VPS35L: variants seen among roughly 807,000 people sequenced by gnomAD.
VPS35L encodes VPS35 endosomal protein sorting factor like.
A neutral mutation model predicts 133.0 loss-of-function variants in VPS35L; 83 were observed. That is an observed-to-expected ratio of 0.62 (90% confidence interval 0.52 to 0.75). VPS35L has a LOEUF of 0.75. Among genes scored for constraint, VPS35L ranks in the 30% least tolerant of loss-of-function variants. The pLI is 0.00. For missense variants in VPS35L, 1,083 were observed against 1,206.8 expected (o/e 0.90, Z 1.52); for synonymous variants, 423 against 449.9 (o/e 0.94, Z 0.76).
intron 19 of VPS35L, among the ~76,000 whole-genome samples, chr16:19,635,119 A>G (rs530463701): frequency 1.3e-5 from 2 of 152,202 alleles, no homozygotes; most frequent in Admixed American, 6.5e-5. Flanking sequence ...CAGGAGGATT[A>G]TTTGAGGCCA....
chr16:19,602,083 T>G (rs1972402335), intron 9 of VPS35L, among the ~76,000 whole-genome samples: 1 of 152,192 alleles, frequency 6.6e-6, no homozygotes, highest in Admixed American at 6.6e-5. Flanking sequence ...AACGACTTTA[T>G]GCATATTAAA....
At position 19,652,066 on chromosome 16, in the gene VPS35L, T is replaced by C; in HGVS notation, c.2197T>C (p.Leu733=). 2 of 1,607,512 alleles carry C rather than the reference T, an allele frequency of 1.2e-6. No homozygotes were observed. Among genetic ancestry groups the C allele is most frequent in the South Asian group, 2.2e-5 (2 of 89,968 alleles). The change falls in exon 26 of 31, where the codon TTG becomes CTG. Residue 733 remains leucine (L), a synonymous_variant. Transcript: ENST00000417362. ...NLYLHSGQVA[L]ANQCLSQADA... is the part of the protein sequence containing the mutation. ...CTACCTGCATTCTGGTCAGGTGGCC[T>C]TGGCCAACCAGTGCCTCTCCCAAGG...
At chr16:19,603,309 G>A (rs2151540204) in intron 9 of VPS35L, among the ~76,000 whole-genome samples, 2 of 152,208 alleles carry the variant, frequency 1.3e-5, no homozygotes, top group Middle Eastern at 6.8e-3. Flanking sequence ...AGCAGCCACT[G>A]GCCACGTGTT....
intron 8 of VPS35L, 80 bp from the exon 9 acceptor site, chr16:19,601,584 G>A: frequency 4.3e-6 from 6 of 1,395,734 alleles, no homozygotes; most frequent in Non-Finnish European, 5.0e-6. Context: ...GATAGCTCTG[G>A]GTCCCTAATT....
chr16:19,656,037 C>T (rs192302479), intron 26 of VPS35L, among the ~76,000 whole-genome samples: 5 of 151,776 alleles, frequency 3.3e-5, no homozygotes, highest in East Asian at 1.9e-4. Flanking sequence ...TTGAGGTGGG[C>T]GGATCACCTG....
intron 1 of VPS35L, among the ~76,000 whole-genome samples, chr16:19,555,953 C>A (rs949553196): frequency 1.3e-5 from 2 of 152,188 alleles, no homozygotes; most frequent in African/African-American, 4.8e-5. Context: ...TTGGTTCTCT[C>A]CCCGTCTGCT....
chr16:19,690,318 G>C (rs1460126877), intron 28 of VPS35L, among the ~76,000 whole-genome samples: 1 of 152,190 alleles, frequency 6.6e-6, no homozygotes, highest in Non-Finnish European at 1.5e-5. Context: ...AGGAAGGAGT[G>C]GGGAGGGAAG....
chr16:19,569,327 C>T, intron 2 of VPS35L, 97 bp from the exon 3 acceptor site: 2 of 1,343,390 alleles, frequency 1.5e-6, no homozygotes, highest in African/African-American at 1.4e-5. Context: ...ATGAACCATC[C>T]ATTCAACTAC....
chr16:19,591,579 A>C (rs1972043823), intron 7 of VPS35L, among the ~76,000 whole-genome samples: 1 of 152,004 alleles, frequency 6.6e-6, no homozygotes, highest in Non-Finnish European at 1.5e-5. Flanking sequence ...GGGAAAACAA[A>C]GAAGAGGTTC....
At chr16:19,684,056 A>G (rs1975375649) in intron 28 of VPS35L, among the ~76,000 whole-genome samples, 1 of 152,160 alleles carries the variant, frequency 6.6e-6, no homozygotes, top group Admixed American at 6.5e-5. Flanking sequence ...CTCAGGAAGG[A>G]CCCTGGTGTG....
chr16:19,632,587 T>C (rs889213645), intron 18 of VPS35L, among the ~76,000 whole-genome samples: 3 of 152,220 alleles, frequency 2.0e-5, no homozygotes, highest in African/African-American at 7.2e-5. Flanking sequence ...AATCAGCAGT[T>C]AATTATAGAG....
At chr16:19,631,383 A>G (rs944751119) in intron 18 of VPS35L, among the ~76,000 whole-genome samples, 1 of 152,120 alleles carries the variant, frequency 6.6e-6, no homozygotes, top group Non-Finnish European at 1.5e-5. Context: ...CTGTCACAAC[A>G]GCCTTTGAGG....
At chr16:19,581,285 G>A (rs1298343789) in intron 6 of VPS35L, among the ~76,000 whole-genome samples, 1 of 152,048 alleles carries the variant, frequency 6.6e-6, no homozygotes, top group Non-Finnish European at 1.5e-5. Context: ...GCTGGGAGGT[G>A]GCTTAGGTCT....
At chr16:19,608,637 C>T in intron 10 of VPS35L, 1 of 391,848 alleles carries the variant, frequency 2.6e-6, no homozygotes, top group Non-Finnish European at 4.6e-6. Flanking sequence ...TATTGAAGAA[C>T]AGATAATTTG....
At chr16:19,644,535 G>A (rs1213467277) in intron 22 of VPS35L, among the ~76,000 whole-genome samples, 1 of 152,074 alleles carries the variant, frequency 6.6e-6, no homozygotes, top group South Asian at 2.1e-4. Context: ...AGCACACCCC[G>A]CTGGAGATTT....
chr16:19,566,744 GC>G (rs1009382658), intron 2 of VPS35L, among the ~76,000 whole-genome samples: 17 of 151,266 alleles, frequency 1.1e-4, no homozygotes, highest in Admixed American at 2.6e-4. Context: ...TGAACAGTTG[GC>G]CCCCCCCTTT....
At chr16:19,628,294 G>A (rs1320613404) in intron 16 of VPS35L, among the ~76,000 whole-genome samples, 1 of 152,166 alleles carries the variant, frequency 6.6e-6, no homozygotes, top group Non-Finnish European at 1.5e-5. Flanking sequence ...GAGCCCAGGA[G>A]GTCAAGGCTG....
At chr16:19,579,316 A>C in intron 6 of VPS35L, 188 bp downstream of exon 6, 1 of 551,032 alleles carries the variant, frequency 1.8e-6, no homozygotes, top group Non-Finnish European at 3.2e-6. Context: ...CGGAAGCCTG[A>C]CTGGGGCTGC....
chr16:19,656,795 T>C (rs1974317025), intron 26 of VPS35L, among the ~76,000 whole-genome samples: 1 of 152,012 alleles, frequency 6.6e-6, no homozygotes, highest in Non-Finnish European at 1.5e-5. Context: ...TTTGATTTTA[T>C]AGTTAGAAAG....
Sources: allele counts gnomAD v4.1 joint callset (sites outside exome capture counted in the v4.1 genomes callset), GRCh38; gene constraint gnomAD v4.1.1; transcripts MANE v1.5; gene names NCBI Gene and HGNC (gene_info 2026-07-23, HGNC 2026-07-21).